CCNB2: variants seen among roughly 807,000 people sequenced by gnomAD.
CCNB2 encodes cyclin B2.
Under a neutral mutation model 51.1 loss-of-function variants are expected in CCNB2, and 39 were observed. The ratio of observed to expected loss-of-function variants is 0.76; its 90% CI spans 0.59 to 1.00. CCNB2 has a LOEUF of 1.00. CCNB2 is among the 50% of genes least tolerant of loss of function. CCNB2 has a pLI of 0.00. For synonymous variants in CCNB2, 174 were observed against 165.5 expected (o/e 1.05, Z -0.40); for missense variants, 472 against 470.3 (o/e 1.00, Z -0.03).
chr15:59,111,856 CTTT>C (rs11327656), intron 3 of CCNB2, among the ~76,000 whole-genome samples: 2 of 133,956 alleles, frequency 1.5e-5, no homozygotes, highest in African/African-American at 2.8e-5. Flanking sequence ...TTCTTTCTTT[CTTT>C]TTTTTTTTTT....
In CCNB2 at chr15:59,109,807, A is replaced by T. The variant is rs377136602; in HGVS notation, c.267+2137A>T. Among the ~76,000 whole-genome samples the T allele has an allele frequency of 2.0e-5, 3 of 152,126 alleles. No individual in the cohort carries two copies. In the South Asian group the frequency reaches 6.2e-4, roughly 32 times the overall value. On this transcript the variant is annotated intron_variant, in intron 3 of 8. Transcript: ENST00000288207. The stretch of plus-strand genomic sequence containing the variant: ...CGAGACCATCCTGGCTAACACAGTA[A>T]AACCCCGTCTCTACTAAAAATACAA...
chr15:59,123,701 G>T (rs1015124939), intron 8 of CCNB2, 74 bp downstream of exon 8: 3 of 711,318 alleles, frequency 4.2e-6, no homozygotes, highest in Admixed American at 4.6e-5. Flanking sequence ...GGCGGGGGGG[G>T]GCGGTGTGTG....
chr15:59,109,543 C>A (rs1185922901), intron 3 of CCNB2, among the ~76,000 whole-genome samples: 1 of 152,160 alleles, frequency 6.6e-6, no homozygotes, highest in Non-Finnish European at 1.5e-5. Flanking sequence ...ATGCTTGTAA[C>A]ATTAAGTGGA....
chr15:59,105,415 C>T, intron 1 of CCNB2, 123 bp downstream of exon 1: 3 of 1,104,020 alleles, frequency 2.7e-6, no homozygotes, highest in South Asian at 2.9e-5. Flanking sequence ...TTCTCCGGAG[C>T]TCACTGCTTC....
At chr15:59,111,513 C>G (rs1217907799) in intron 3 of CCNB2, among the ~76,000 whole-genome samples, 1 of 152,246 alleles carries the variant, frequency 6.6e-6, no homozygotes, top group Non-Finnish European at 1.5e-5. Flanking sequence ...TAACCTTCAG[C>G]TGAAGCTGCA....
chr15:59,105,834 T>C (rs2079233650), intron 1 of CCNB2, among the ~76,000 whole-genome samples: 1 of 152,234 alleles, frequency 6.6e-6, no homozygotes, highest in South Asian at 2.1e-4. Flanking sequence ...TTCGGCACGC[T>C]AAGTCTTCCA....
intron 1 of CCNB2, among the ~76,000 whole-genome samples, chr15:59,106,256 G>C (rs1482750230): frequency 1.3e-5 from 2 of 152,312 alleles, no homozygotes; most frequent in East Asian, 3.9e-4. Flanking sequence ...TGTGACTTTT[G>C]AGAATCCTAA....
At chr15:59,123,453 T>A in intron 7 of CCNB2, 64 bp from the exon 8 acceptor site, 1 of 898,448 alleles carries the variant, frequency 1.1e-6, no homozygotes, top group Non-Finnish European at 1.8e-6. Context: ...TGTGTTCTTC[T>A]AAAGAAGCAG....
chr15:59,121,931 CAAAAAAAAAA>C (rs3052992), intron 7 of CCNB2, among the ~76,000 whole-genome samples: 577 of 14,042 alleles, frequency 0.041, 6 homozygotes, highest in Middle Eastern at 0.1. Flanking sequence ...GACTCTGTCT[CAAAAAAAAAA>C]AAAAAAAAAA....
chr15:59,123,612 C>G lies in CCNB2; in HGVS notation c.1071C>G (p.Asn357Lys). ...MAKNVVKVNE[N>K]LTKFIAIKNK... is the part of the protein sequence containing the mutation. ...AGAATGTGGTGAAAGTAAATGAAAA[C>G]TTAACTAAATTCATCGTAAGTACTA... The change falls in exon 8 of 9, where the codon AAC becomes AAG. Residue 357 changes from asparagine (N) to lysine (K), a missense_variant. Transcript: ENST00000288207. 1 of 1,595,454 alleles carries G rather than the reference C, an allele frequency of 6.3e-7. No individual in the cohort carries two copies. Among genetic ancestry groups the G allele is most frequent in the Non-Finnish European group, 8.6e-7 (1 of 1,169,152 alleles).
At chr15:59,117,544 C>T (rs914581538) in intron 7 of CCNB2, among the ~76,000 whole-genome samples, 176 bp downstream of exon 7, 3 of 152,196 alleles carry the variant, frequency 2.0e-5, no homozygotes, top group Admixed American at 1.3e-4. Context: ...TCACAGCCCA[C>T]TGCAGCCTTG....
Position 59,114,516 on chromosome 15 carries a change from C to A in CCNB2, c.340C>A (p.Leu114Ile). ...CTGCCAAGCTTTTTCTGATGCCTTG[C>A]TCTGCAAAATCGAGGACATTGATAA... The part of the protein sequence containing the change: ...NLCQAFSDAL[L>I]CKIEDIDNED... The change falls in exon 4 of 9, where the codon CTC (leucine) becomes ATC (isoleucine). Residue 114 changes from leucine (L) to isoleucine (I), a missense_variant. Physicochemically the swap from Leu to Ile is conservative, Grantham distance 5. Coordinates refer to ENST00000288207, the MANE Select transcript of CCNB2 (RefSeq NM_004701.4). 6.2e-7 allele frequency: 1 copy of A among 1,613,964 alleles called. No homozygotes were observed. The highest frequency in any genetic ancestry group is 8.5e-7 in the Non-Finnish European group (1 of 1,179,892).
At chr15:59,107,980 C>T (rs762646062) in intron 3 of CCNB2, among the ~76,000 whole-genome samples, 18 of 151,194 alleles carry the variant, frequency 1.2e-4, no homozygotes, top group South Asian at 4.2e-4. Context: ...GCCTGGACAG[C>T]GGAGCAAGAC....
At chr15:59,107,924 A>G (rs2079242684) in intron 3 of CCNB2, among the ~76,000 whole-genome samples, 1 of 152,196 alleles carries the variant, frequency 6.6e-6, no homozygotes, top group Non-Finnish European at 1.5e-5. Context: ...GCCTGAGGCC[A>G]GGAATTCAAG....
chr15:59,121,109 TTTTTAGAATATGC>T (rs2079300159), intron 7 of CCNB2: 1 of 152,228 alleles, frequency 6.6e-6, no homozygotes, highest in Non-Finnish European at 1.5e-5. Context: ...GAAAACGTAC[TTTTTAGAATATGC>T]TTCTGAAACA....
At position 59,105,180 on chromosome 15, in the gene CCNB2, C is replaced by G; in HGVS notation, c.-89C>G. On this transcript the variant is annotated 5_prime_UTR_variant, in exon 1 of 9. Coordinates refer to ENST00000288207, the MANE Select transcript of CCNB2 (RefSeq NM_004701.4). ...CAGCGCTGCGGGCTCGGAGAGCAGT[C>G]CTAACGGCGCCTCGTACGCTAGTGT... The G allele has an allele frequency of 1.5e-6, 2 of 1,296,860 alleles. No individual in the cohort carries two copies. The highest frequency in any genetic ancestry group is 2.2e-6 in the Non-Finnish European group (2 of 926,418). The allele number at this position is 1,296,860 out of a possible 1,614,324, so 80.3% of individuals were successfully genotyped here.
In CCNB2 at chr15:59,123,523, AAGC is replaced by A; in HGVS notation, c.988_990del (p.Gln330del). ...TCTGCTTCTTGTGTTTCAGAACTTA[AAGC>A]AGCAGTATTACACAGGATACACAGA... On this transcript the variant is annotated inframe_deletion, in exon 8 of 9. Transcript: ENST00000288207. The A allele has an allele frequency of 6.2e-7, 1 of 1,605,562 alleles. No individual in the cohort carries two copies. Among genetic ancestry groups the A allele is most frequent in the Non-Finnish European group, 8.5e-7 (1 of 1,172,340 alleles).
chr15:59,105,163 C>G lies in CCNB2; in HGVS notation c.-106C>G, dbSNP rs1248055519. 2.9e-6 allele frequency: 3 copies of G among 1,043,860 alleles called. No homozygotes were observed. In the African/African-American group the frequency reaches 4.8e-5, roughly 17 times the overall value. The allele number at this position is 1,043,860 out of a possible 1,614,324, so 64.7% of individuals were successfully genotyped here. On this transcript the variant is annotated 5_prime_UTR_variant, in exon 1 of 9. Coordinates refer to ENST00000288207, the MANE Select transcript of CCNB2 (RefSeq NM_004701.4). ...ACAGCGTCGAAGATCCCCAGCGCTG[C>G]GGGCTCGGAGAGCAGTCCTAACGGC... is the stretch of plus-strand genomic sequence containing the variant.
At chr15:59,117,474 G>A in intron 7 of CCNB2, 106 bp downstream of exon 7, 1 of 1,234,618 alleles carries the variant, frequency 8.1e-7, no homozygotes, top group East Asian at 2.4e-5. Flanking sequence ...AGTTGGTTTT[G>A]TTTTGTGTTT....
Sources: gnomAD v4.1 joint callset for allele counts (sites outside exome capture counted in the v4.1 genomes callset) on GRCh38, gnomAD v4.1.1 for gene constraint, MANE v1.5 for transcripts, NCBI Gene and HGNC (gene_info 2026-07-23, HGNC 2026-07-21) for gene names.